The following ARHGAP23 variants were observed in gnomAD, a reference collection of about 807,000 sequenced individuals.
ARHGAP23 encodes the protein rho GTPase-activating protein 23.
Under a neutral mutation model 136.3 loss-of-function variants are expected in ARHGAP23, and 34 were observed. The ratio of observed to expected loss-of-function variants is 0.25; its 90% CI spans 0.19 to 0.33. The LOEUF (loss-of-function observed/expected upper bound fraction) is 0.33, where lower values mean the gene tolerates loss of function less well. Among genes scored for constraint, ARHGAP23 ranks in the 10% least tolerant of loss-of-function variants. ARHGAP23 has a pLI of 1.00. For synonymous variants in ARHGAP23, 832 were observed against 920.5 expected (o/e 0.90, Z 1.74); for missense variants, 1,808 against 2,139.0 (o/e 0.85, Z 3.05).
chr17:38,469,339 G>A (rs940416877), intron 8 of ARHGAP23, 40 bp downstream of exon 8: 18 of 1,524,126 alleles, frequency 1.2e-5, no homozygotes, highest in Admixed American at 6.1e-5. Context: ...CCTCTCCCTC[G>A]CTGCCCAGTC....
At chr17:38,478,835 A>G (rs2039962377) in intron 12 of ARHGAP23, among the ~76,000 whole-genome samples, 1 of 152,134 alleles carries the variant, frequency 6.6e-6, no homozygotes, top group Non-Finnish European at 1.5e-5. Flanking sequence ...AGACACCCAC[A>G]CAAAGTCATG....
chr17:38,448,144 T>C (rs1462129308), intron 1 of ARHGAP23, among the ~76,000 whole-genome samples: 1 of 152,046 alleles, frequency 6.6e-6, no homozygotes, highest in Non-Finnish European at 1.5e-5. Context: ...GCCAAGGAAG[T>C]GGGAGATCCT....
chr17:38,489,365 C>G (rs2040222338), intron 17 of ARHGAP23, among the ~76,000 whole-genome samples: 1 of 147,770 alleles, frequency 6.8e-6, no homozygotes, highest in Non-Finnish European at 1.5e-5. Context: ...AAATGATCCC[C>G]CCGCCCCCGA....
upstream of ARHGAP23, among the ~76,000 whole-genome samples, chr17:38,425,144 A>G (rs2038557155): frequency 6.6e-6 from 1 of 152,128 alleles, no homozygotes; most frequent in Admixed American, 6.5e-5. Context: ...CTAGCACGGA[A>G]GCGCCTCTGG....
chr17:38,478,437 CAG>C (rs1420564981), intron 12 of ARHGAP23, among the ~76,000 whole-genome samples: 1 of 134,586 alleles, frequency 7.4e-6, no homozygotes, highest in African/African-American at 2.7e-5. Context: ...TTTTTTGAGG[CAG>C]AGTCTCGCTC....
chr17:38,437,622 A>ACCC (rs5820258), intron 1 of ARHGAP23, among the ~76,000 whole-genome samples: 3 of 147,600 alleles, frequency 2.0e-5, no homozygotes, highest in African/African-American at 7.5e-5. Flanking sequence ...ACCCACCCCT[A>ACCC]CCCCCCCCAA....
chr17:38,469,512 G>A lies in ARHGAP23; in HGVS notation c.1805-12G>A, dbSNP rs1430049912. ...CCGCTGACCCTGAGGCCCGATGTGG[G>A]CGGCTTTGCAGGCAGCATCAAGGCT... On this transcript the variant is annotated splice_polypyrimidine_tract_variant and intron_variant, in intron 8 of 23. Coordinates refer to ENST00000622683, the MANE Select transcript of ARHGAP23 (RefSeq NM_001199417.2). 1 of 1,546,972 alleles carries A rather than the reference G, an allele frequency of 6.5e-7. No homozygotes were observed. Among genetic ancestry groups the A allele is most frequent in the East Asian group, 2.4e-5 (1 of 40,918 alleles).
At position 38,492,160 on chromosome 17, in the gene ARHGAP23, G is replaced by A. The variant is rs144177595; in HGVS notation, c.3276+628G>A. Among the ~76,000 whole-genome samples the A allele has an allele frequency of 1.2e-3, 190 of 152,314 alleles. 1 individual carries two copies. Among genetic ancestry groups the A allele is most frequent in the African/African-American group, 4.3e-3 (177 of 41,576 alleles). ...TGTAGGTTCTTGTTACTGTGCATGG[G>A]CGGAGGAGAACCCAGAGTGGCCAGC... On this transcript the variant is annotated intron_variant, in intron 20 of 23. Coordinates refer to ENST00000622683, the MANE Select transcript of ARHGAP23 (RefSeq NM_001199417.2).
intron 14 of ARHGAP23, among the ~76,000 whole-genome samples, chr17:38,480,363 A>G (rs959909462): frequency 8.5e-5 from 13 of 152,160 alleles, no homozygotes; most frequent in African/African-American, 2.9e-4. Context: ...GCCGGGCGCG[A>G]TGGCTCACGC....
intron 23 of ARHGAP23, 138 bp downstream of exon 23, chr17:38,500,766 C>T (rs183436088): frequency 1.9e-5 from 15 of 806,158 alleles, no homozygotes; most frequent in Admixed American, 9.2e-5. Flanking sequence ...CAGGAGGTAC[C>T]GAGTGCCCAA....
intron 1 of ARHGAP23, among the ~76,000 whole-genome samples, chr17:38,420,676 C>T (rs928065079): frequency 6.6e-6 from 1 of 152,090 alleles, no homozygotes; most frequent in African/African-American, 2.4e-5. Context: ...TCTGGGCATC[C>T]TCCCTGGGCT....
chr17:38,462,621 T>C (rs1219809981), intron 3 of ARHGAP23, among the ~76,000 whole-genome samples: 1 of 152,212 alleles, frequency 6.6e-6, no homozygotes, highest in African/African-American at 2.4e-5. Flanking sequence ...ACGGAGTGAC[T>C]CTTTGTATGT....
At chr17:38,425,104 C>T (rs531550212), upstream of ARHGAP23, among the ~76,000 whole-genome samples, 323 of 152,298 alleles carry the variant, frequency 2.1e-3, no homozygotes, top group Middle Eastern at 0.024. Flanking sequence ...CATGGCACAT[C>T]GCTGCTTCAG....
At chr17:38,439,644 C>T (rs8082261) in intron 1 of ARHGAP23, among the ~76,000 whole-genome samples, 1,865 of 152,274 alleles carry the variant, frequency 0.012, 25 homozygotes, top group African/African-American at 0.041. Context: ...ATCCCATGGG[C>T]GATGGATTAT....
At chr17:38,484,090 C>T (rs887761032) in intron 16 of ARHGAP23, among the ~76,000 whole-genome samples, 5 of 152,146 alleles carry the variant, frequency 3.3e-5, no homozygotes, top group Admixed American at 1.3e-4. Context: ...AGTAATGCTC[C>T]TGCTCATGTC....
rs2039703637 is a variant in ARHGAP23 at position 38,469,828 on chromosome 17, C to G, written c.1917-19C>G. 6 of 1,551,486 alleles carry G rather than the reference C, an allele frequency of 3.9e-6. No homozygotes were observed. The South Asian group carries it at 5.9e-5, about 15-fold the overall frequency. ...AGCTTTGCTGCCCACATCCCTCACCCTCGACCCTCGCTTTCCAGGCGCCTG... is the reference window on the plus strand; with the variant it reads ...AGCTTTGCTGCCCACATCCCTCACCGTCGACCCTCGCTTTCCAGGCGCCTG... On this transcript the variant is annotated intron_variant, in intron 9 of 23. Coordinates refer to ENST00000622683, the MANE Select transcript of ARHGAP23 (RefSeq NM_001199417.2).
At position 38,466,164 on chromosome 17, in the gene ARHGAP23, C is replaced by T; in HGVS notation, c.484-3C>T. 2.7e-6 allele frequency: 4 copies of T among 1,485,158 alleles called. No homozygotes were observed. The highest frequency in any genetic ancestry group is 3.6e-6 in the Non-Finnish European group (4 of 1,109,884). 92.0% of individuals were successfully genotyped at this position (1,485,158 alleles called of 1,614,324 possible). A position where few individuals can be genotyped will look rare whatever the true frequency, so the allele number is the denominator to read the frequency against. On this transcript the variant is annotated splice_polypyrimidine_tract_variant and splice_region_variant and intron_variant, in intron 6 of 23. Transcript: ENST00000622683. ...GCTTACCTGTCTCTGTGTCTCTGGC[C>T]AGGCCTACTCCCAGGATGCCTACCT...
At chr17:38,479,635 G>A in intron 13 of ARHGAP23, 118 bp from the exon 14 acceptor site, 1 of 1,412,174 alleles carries the variant, frequency 7.1e-7, no homozygotes, top group Non-Finnish European at 9.6e-7. Flanking sequence ...GCTGCAGTTA[G>A]GCATGGAGGC....
At chr17:38,445,885 C>A (rs7503298) in intron 1 of ARHGAP23, among the ~76,000 whole-genome samples, 1 of 151,918 alleles carries the variant, frequency 6.6e-6, no homozygotes, top group Non-Finnish European at 1.5e-5. Flanking sequence ...TCTCCCACCT[C>A]AGCCTCCCAA....
Sources: allele counts gnomAD v4.1 joint callset (sites outside exome capture counted in the v4.1 genomes callset), GRCh38; gene constraint gnomAD v4.1.1; transcripts MANE v1.5; gene names NCBI Gene and HGNC (gene_info 2026-07-23, HGNC 2026-07-21).